CEACAM5: variants seen among roughly 807,000 people sequenced by gnomAD.
CEACAM5 encodes the protein CEA cell adhesion molecule 5, also known as cell adhesion molecule CEACAM5.
A neutral mutation model predicts 63.0 loss-of-function variants in CEACAM5; 52 were observed. The observed-to-expected ratio is 0.83, with a 90% CI of 0.66 to 1.04. The LOEUF is 1.04. Among genes scored for constraint, CEACAM5 ranks in the 50% least tolerant of loss-of-function variants. The probability of loss-of-function intolerance (pLI) is 0.00; values close to 1 mark genes in which losing one functional copy is unlikely to be tolerated. For synonymous variants in CEACAM5, 357 were observed against 351.3 expected, an observed-to-expected ratio of 1.02 and a Z score of -0.18; for missense variants, 790 against 864.8, an observed-to-expected ratio of 0.91 and a Z score of 1.08.
intron 2 of CEACAM5, among the ~76,000 whole-genome samples, chr19:41,710,818 A>G (rs1345956896): frequency 6.6e-6 from 1 of 152,148 alleles, no homozygotes; most frequent in Non-Finnish European, 1.5e-5. Context: ...ATAAACATAA[A>G]TGATGTTCAT....
chr19:41,712,461 G>C (rs528929380), intron 2 of CEACAM5, among the ~76,000 whole-genome samples: 2 of 152,336 alleles, frequency 1.3e-5, no homozygotes, highest in African/African-American at 4.8e-5. Flanking sequence ...CCTGTTTTGA[G>C]GCTTCTCCTC....
chr19:41,720,966 C>T lies in CEACAM5; in HGVS notation c.1816C>T (p.Leu606Phe). Residue 606 changes from leucine (L) to phenylalanine (F), a missense_variant, in exon 8 of 10, where the codon CTT (leucine) becomes TTT (phenylalanine). By Grantham distance (22) the Leu-to-Phe change is conservative (BLOSUM62 0). Transcript: ENST00000221992. ...PIISPPDSSY[L>F]SGANLNLSCH... ...CATTTCCCCCCCAGACTCGTCTTAC[C>T]TTTCGGGAGCGAACCTCAACCTCTC... 1 of 1,614,062 alleles carries T rather than the reference C, an allele frequency of 6.2e-7. No homozygotes were observed. The highest frequency in any genetic ancestry group is 8.5e-7 in the Non-Finnish European group (1 of 1,180,016).
intron 1 of CEACAM5, among the ~76,000 whole-genome samples, chr19:41,709,273 C>T (rs556449609): frequency 2.6e-5 from 4 of 152,212 alleles, no homozygotes; most frequent in Non-Finnish European, 5.9e-5. Context: ...GACAGACATA[C>T]AAAGAGATCT....
chr19:41,720,225 C>G lies in CEACAM5; in HGVS notation c.1771+17C>G. ...ATGTCCTCTGTGAGTATCTTCTGTT[C>G]CTCTGTGGCCCTGGTTTCCAACCCA... On this transcript the variant is annotated intron_variant, in intron 7 of 9. Transcript: ENST00000221992. 6.2e-7 allele frequency: 1 copy of G among 1,608,094 alleles called. No individual in the cohort carries two copies. The highest frequency in any genetic ancestry group is 8.5e-7 in the Non-Finnish European group (1 of 1,175,530).
rs1339798189 is a variant in CEACAM5, at chr19:41,727,490, A to G, written c.*36+138A>G. The G allele has an allele frequency of 3.1e-5, 20 of 641,652 alleles. No individual in the cohort carries two copies. In the African/African-American group the frequency reaches 3.5e-4, roughly 11 times the overall value. 39.7% of individuals were successfully genotyped at this position (641,652 alleles called of 1,614,324 possible). A position where few individuals can be genotyped will look rare whatever the true frequency, so the allele number is the denominator to read the frequency against. ...CCCCAAGCTCCTGCTTCTCAGCACTAATTCCTGCAGGTCTCTTCTTCCCTG... is the reference window on the plus strand; with the variant it reads ...CCCCAAGCTCCTGCTTCTCAGCACTGATTCCTGCAGGTCTCTTCTTCCCTG... On this transcript the variant is annotated intron_variant, in intron 9 of 9. Coordinates refer to ENST00000221992, the MANE Select transcript of CEACAM5 (RefSeq NM_004363.6).
intron 1 of CEACAM5, among the ~76,000 whole-genome samples, chr19:41,709,145 C>T (rs2072390715): frequency 6.6e-6 from 1 of 152,230 alleles, no homozygotes; most frequent in South Asian, 2.1e-4. Context: ...CTGTGGAGGG[C>T]CCTGGGAACC....
intron 4 of CEACAM5, among the ~76,000 whole-genome samples, 177 bp from the exon 5 acceptor site, chr19:41,717,278 A>G (rs1555815201): frequency 6.6e-6 from 1 of 152,234 alleles, no homozygotes; most frequent in Non-Finnish European, 1.5e-5. Flanking sequence ...AGCCAGCCTC[A>G]TGGTCTCTGA....
Position 41,730,293 on chromosome 19 carries a change from G to A in CEACAM5, c.*1146G>A, listed in dbSNP as rs1355814647. On this transcript the variant is annotated 3_prime_UTR_variant, in exon 10 of 10. Coordinates refer to ENST00000221992, the MANE Select transcript of CEACAM5 (RefSeq NM_004363.6). ...AAAAGTTAGCCGGGCGTGGTGGTGG[G>A]GGCCTGTAGTCCCAGCTACTCAGGA... Among the ~76,000 whole-genome samples the A allele has an allele frequency of 6.6e-6, 1 of 151,966 alleles. No homozygotes were observed. The highest frequency in any genetic ancestry group is 1.5e-5 in the Non-Finnish European group (1 of 67,984).
In CEACAM5 at chr19:41,708,672, AAAC is replaced by A; in HGVS notation, c.-59_-57del. 2.6e-6 allele frequency: 4 copies of A among 1,510,386 alleles called. No individual in the cohort carries two copies. Among genetic ancestry groups the A allele is most frequent in the Non-Finnish European group, 3.6e-6 (4 of 1,097,740 alleles). 93.6% of individuals were successfully genotyped at this position (1,510,386 alleles called of 1,614,324 possible). On this transcript the variant is annotated 5_prime_UTR_variant, in exon 1 of 10. Transcript: ENST00000221992. ...CCAGACAGTCACAGCAGCCTTGACA[AAAC>A]GTTCCTGGAACTCAAGCTCTTCTCC...
At position 41,715,235 on chromosome 19, in the gene CEACAM5, TC is replaced by T. The variant is rs1555814749; in HGVS notation, c.691del (p.Leu231Ter). Reference protein sequence around the residue: ...PVSARRSDSVILNVLYGPDAP... With the variant: ...PVSARRSDSVXLNVLYGPDAP... ...AGTGCCAGGCGCAGTGATTCAGTCA[TC>T]CTGAATGTCCTCTGTGAGTATATCT... On this transcript the variant is annotated frameshift_variant, in exon 3 of 10. Coordinates refer to ENST00000221992, the MANE Select transcript of CEACAM5 (RefSeq NM_004363.6). LOFTEE classifies it high-confidence loss of function. The T allele has an allele frequency of 6.2e-7, 1 of 1,614,188 alleles. No individual in the cohort carries two copies. Among genetic ancestry groups the T allele is most frequent in the Non-Finnish European group, 8.5e-7 (1 of 1,180,016 alleles).
intron 7 of CEACAM5, 124 bp downstream of exon 7, chr19:41,720,332 G>T: frequency 4.0e-6 from 5 of 1,252,246 alleles, no homozygotes; most frequent in Non-Finnish European, 2.2e-6. Context: ...ACCCAGGCTG[G>T]CCATAACTTC....
At chr19:41,713,301 C>T (rs2072466583) in intron 2 of CEACAM5, among the ~76,000 whole-genome samples, 1 of 150,962 alleles carries the variant, frequency 6.6e-6, no homozygotes. Flanking sequence ...GAGACTCCAT[C>T]TCAAAAAAAA....
chr19:41,717,661 G>C lies in CEACAM5; in HGVS notation c.1165G>C (p.Gly389Arg). The change falls in exon 5 of 10, where the codon GGA (glycine) becomes CGA (arginine). Residue 389 changes from glycine to arginine, a missense_variant. Gly to Arg is a moderately radical substitution (Grantham distance 125). Transcript: ENST00000221992. ...ACTCAGTGTCACAAGGAATGATGTA[G>C]GACCCTATGAGTGTGGAATCCAGAA... ...TLLSVTRNDV[G>R]PYECGIQNEL... The C allele has an allele frequency of 6.2e-7, 1 of 1,614,210 alleles. No homozygotes were observed. The highest frequency in any genetic ancestry group is 8.5e-7 in the Non-Finnish European group (1 of 1,180,022).
chr19:41,715,310 A>G, intron 3 of CEACAM5, 61 bp downstream of exon 3: 1 of 1,602,834 alleles, frequency 6.2e-7, no homozygotes, highest in Non-Finnish European at 8.5e-7. Flanking sequence ...GGCCAGAGGC[A>G]GGATTTCTCA....
At chr19:41,713,300 T>C (rs1555814344) in intron 2 of CEACAM5, among the ~76,000 whole-genome samples, 1 of 151,176 alleles carries the variant, frequency 6.6e-6, no homozygotes, top group African/African-American at 2.5e-5. Context: ...CGAGACTCCA[T>C]CTCAAAAAAA....
chr19:41,709,432 G>T, intron 1 of CEACAM5, among the ~76,000 whole-genome samples: 1 of 152,128 alleles, frequency 6.6e-6, no homozygotes, highest in East Asian at 1.9e-4. Flanking sequence ...AGGCAATGGG[G>T]AGGGAGCCGT....
Position 41,729,437 on chromosome 19 carries a change from A to G in CEACAM5, c.*290A>G, listed in dbSNP as rs1373564242. The G allele has an allele frequency of 6.6e-6, 1 of 152,162 alleles. No individual in the cohort carries two copies. Among genetic ancestry groups the G allele is most frequent in the Non-Finnish European group, 1.5e-5 (1 of 68,086 alleles). 9.4% of individuals were successfully genotyped at this position (152,162 alleles called of 1,614,324 possible). A position where few individuals can be genotyped will look rare whatever the true frequency, so the allele number is the denominator to read the frequency against. ...GAGGTGGAGATTGCAGTGAGCCCAG[A>G]TCGCACCACTGCACTCCAGTCTGGC... On this transcript the variant is annotated 3_prime_UTR_variant, in exon 10 of 10. Coordinates refer to ENST00000221992, the MANE Select transcript of CEACAM5 (RefSeq NM_004363.6).
intron 8 of CEACAM5, among the ~76,000 whole-genome samples, chr19:41,723,619 TTTCACTTTCTCGATAATG>T (rs1318693609): frequency 2.0e-5 from 3 of 152,136 alleles, no homozygotes; most frequent in Non-Finnish European, 4.4e-5. Context: ...TAGGTTGCCT[TTTCACTTTCTCGATAATG>T]TTCTTTAATA....
In CEACAM5 at chr19:41,708,788, G is replaced by A; in HGVS notation, c.57G>A (p.Leu19=). Residue 19 remains leucine (L), a synonymous_variant, in exon 1 of 10, where the codon CTG becomes CTA. Coordinates refer to ENST00000221992, the MANE Select transcript of CEACAM5 (RefSeq NM_004363.6). The part of the protein sequence containing the change: ...HRWCIPWQRL[L]LTASLLTFWN... ...GGTGCATCCCCTGGCAGAGGCTCCTGCTCACAGGTGAAGGGAGGACAACCT... is the reference window on the plus strand; with the variant it reads ...GGTGCATCCCCTGGCAGAGGCTCCTACTCACAGGTGAAGGGAGGACAACCT... 4 of 1,611,236 alleles carry A rather than the reference G, an allele frequency of 2.5e-6. No homozygotes were observed. Among genetic ancestry groups the A allele is most frequent in the Non-Finnish European group, 3.4e-6 (4 of 1,178,606 alleles).
Sources: gnomAD v4.1 joint callset for allele counts (sites outside exome capture counted in the v4.1 genomes callset) on GRCh38, gnomAD v4.1.1 for gene constraint, MANE v1.5 for transcripts, NCBI Gene and HGNC (gene_info 2026-07-23, HGNC 2026-07-21) for gene names.